ACOT11: variants seen among roughly 807,000 people sequenced by gnomAD.
The protein encoded by ACOT11 is acyl-coenzyme A thioesterase 11.
In ACOT11, 69 loss-of-function variants were observed where a neutral mutation model predicts 77.5. That is an observed-to-expected ratio of 0.89 (90% CI 0.73 to 1.09). The LOEUF is 1.09. Ranked by LOEUF, ACOT11 falls within the 50% of genes least tolerant of loss-of-function variation. The pLI is 0.00. For synonymous variants in ACOT11, 279 were observed against 313.0 expected (o/e 0.89, Z 1.15); for missense variants, 766 against 813.7 (o/e 0.94, Z 0.71).
In ACOT11 at chr1:54,630,085, G is replaced by A. The variant is rs984326731; in HGVS notation, c.1630-649G>A. ...TGGCTATTTTTTTGTATTTTTAGTA[G>A]AGACGAGGTTTCACCATGTTGACCA... is the stretch of plus-strand genomic sequence containing the variant. On this transcript the variant is annotated intron_variant, in intron 15 of 16. Transcript: ENST00000371316. Among the ~76,000 whole-genome samples the A allele has an allele frequency of 1.1e-4, 14 of 133,086 alleles. 2 individuals carry two copies. Among genetic ancestry groups the A allele is most frequent in the African/African-American group, 2.8e-4 (11 of 39,286 alleles). The allele number at this position is 133,086 out of a possible 152,430, so 87.3% of individuals were successfully genotyped here. A position where few individuals can be genotyped will look rare whatever the true frequency, so the allele number is the denominator to read the frequency against.
At chr1:54,622,900 C>T (rs1184252420) in intron 15 of ACOT11, among the ~76,000 whole-genome samples, 1 of 151,918 alleles carries the variant, frequency 6.6e-6, no homozygotes, top group Non-Finnish European at 1.5e-5. Flanking sequence ...GTTGGCCAGG[C>T]ATGATGACTC....
rs1261519176 is a variant in ACOT11 at position 54,584,520 on chromosome 1, G to A, written c.34-135G>A. 10 of 768,008 alleles carry A rather than the reference G, an allele frequency of 1.3e-5. No individual in the cohort carries two copies. Among genetic ancestry groups the A allele is most frequent in the East Asian group, 2.7e-5 (1 of 36,592 alleles). The allele number at this position is 768,008 out of a possible 1,614,324, so 47.6% of individuals were successfully genotyped here. On this transcript the variant is annotated intron_variant, in intron 1 of 15. Transcript: ENST00000343744. This position sits in a 1 kb window ranked among gnomAD's most constrained non-coding sequence, Gnocchi z 6.3. ...GGGCTGGAGGGTGGTGACCACTCTC[G>A]GGTTGGGGTCTGGTGGGAGGTGGCC...
At chr1:54,630,650 G>A (rs1644294204) in intron 15 of ACOT11, 1 of 540,176 alleles carries the variant, frequency 1.9e-6, no homozygotes, top group Non-Finnish European at 3.4e-6. Context: ...CTCTGTTCCG[G>A]GCTCTCAGCT....
chr1:54,608,093 C>G (rs1644052530), intron 15 of ACOT11, 25 bp downstream of exon 15: 2 of 1,599,514 alleles, frequency 1.3e-6, no homozygotes. Flanking sequence ...CCCAACCACG[C>G]CCCCAGCCTG....
In ACOT11 at chr1:54,566,406, G is replaced by A. The variant is rs190872850; in HGVS notation, c.33+18064G>A. Among the ~76,000 whole-genome samples, 10 of 149,678 alleles carry A rather than the reference G, an allele frequency of 6.7e-5. No homozygotes were observed. The East Asian group carries it at 9.8e-4, about 15-fold the overall frequency. On this transcript the variant is annotated intron_variant, in intron 1 of 15. Transcript: ENST00000343744. ...CGGGAGATGGAGATTGCAGTGAGCC[G>A]AGATTGTGCCACTGCACTCCAGCCT...
chr1:54,596,462 CCTA>C (rs1341894495), intron 6 of ACOT11, among the ~76,000 whole-genome samples: 2 of 152,234 alleles, frequency 1.3e-5, no homozygotes, highest in African/African-American at 4.8e-5. Flanking sequence ...CCTGGCCTCT[CCTA>C]CTAAGGATAT....
At chr1:54,565,916 A>G (rs1653716139) in intron 1 of ACOT11, among the ~76,000 whole-genome samples, 1 of 151,960 alleles carries the variant, frequency 6.6e-6, no homozygotes, top group East Asian at 1.9e-4. Context: ...TTCCCATGGT[A>G]TTACCTCTCA....
intron 16 of ACOT11, among the ~76,000 whole-genome samples, chr1:54,631,146 G>A (rs1438306508): frequency 6.6e-6 from 1 of 152,090 alleles, no homozygotes; most frequent in East Asian, 1.9e-4. Flanking sequence ...CTTTTCCGGA[G>A]GACACTGGGC....
intron 16 of ACOT11, among the ~76,000 whole-genome samples, chr1:54,632,058 A>C (rs558367111): frequency 1.7e-3 from 266 of 152,318 alleles, no homozygotes; most frequent in Non-Finnish European, 3.4e-3. Flanking sequence ...CTAAAAAAGA[A>C]TGTAGAAAAA....
chr1:54,571,827 T>C (rs1262774348), intron 1 of ACOT11, among the ~76,000 whole-genome samples: 2 of 152,052 alleles, frequency 1.3e-5, no homozygotes, highest in Non-Finnish European at 2.9e-5. Context: ...ATCTGGGGCC[T>C]TGGGGTAGTG....
At chr1:54,624,743 C>G in intron 15 of ACOT11, among the ~76,000 whole-genome samples, 1 of 152,162 alleles carries the variant, frequency 6.6e-6, no homozygotes, top group Non-Finnish European at 1.5e-5. Flanking sequence ...AGGACAGTTT[C>G]CCTGGATCAG....
At chr1:54,573,335 A>T in intron 1 of ACOT11, 1 of 686,310 alleles carries the variant, frequency 1.5e-6, no homozygotes, top group Non-Finnish European at 1.8e-6. Context: ...ATATATGTGC[A>T]AGTTACCTTT....
intron 12 of ACOT11, 90 bp from the exon 13 acceptor site, chr1:54,604,986 T>C (rs1438111826): frequency 2.8e-6 from 4 of 1,408,618 alleles, no homozygotes; most frequent in East Asian, 4.7e-5. Flanking sequence ...GCAAGTCAGC[T>C]GTAGCCCTGA....
intron 1 of ACOT11, among the ~76,000 whole-genome samples, chr1:54,561,259 G>A: frequency 8.8e-6 from 1 of 113,854 alleles, no homozygotes; most frequent in Admixed American, 9.5e-5. Flanking sequence ...GCCTTCCGCA[G>A]TGTTTGTGTC....
chr1:54,579,994 A>G (rs1654246914), intron 1 of ACOT11, among the ~76,000 whole-genome samples: 1 of 152,224 alleles, frequency 6.6e-6, no homozygotes, highest in Non-Finnish European at 1.5e-5. Flanking sequence ...TGCTAATAGT[A>G]AGCACTCAAT....
Position 54,601,302 on chromosome 1 carries a change from C to T in ACOT11, c.918C>T (p.Arg306=), listed in dbSNP as rs556706898. The T allele has an allele frequency of 6.2e-7, 1 of 1,612,988 alleles. No individual in the cohort carries two copies. Among genetic ancestry groups the T allele is most frequent in the Admixed American group, 1.7e-5 (1 of 60,000 alleles). Residue 306 remains arginine (R), a synonymous_variant, in exon 9 of 16, where the codon CGC becomes CGT. Coordinates refer to ENST00000343744, the MANE Select transcript of ACOT11 (RefSeq NM_147161.4). ...TGGGCGTGTGCGTGGAGGCCTATCG[C>T]CAGGAGGCTGAGACCCACCGGCGCC... is the stretch of plus-strand genomic sequence containing the variant. ...MEVGVCVEAY[R]QEAETHRRHI... is the part of the protein sequence containing the mutation.
At chr1:54,620,139 C>G (rs1462010367) in intron 15 of ACOT11, 2 of 935,568 alleles carry the variant, frequency 2.1e-6, no homozygotes, top group South Asian at 1.7e-5. Context: ...CGGTGAGGCT[C>G]AGACTCACTG....
chr1:54,580,657 A>T (rs532443554), intron 1 of ACOT11, among the ~76,000 whole-genome samples: 1 of 151,874 alleles, frequency 6.6e-6, no homozygotes, highest in Non-Finnish European at 1.5e-5. Context: ...TCTCTCTTCC[A>T]TGGGCATTTA....
At chr1:54,617,567 T>A (rs932409527) in intron 15 of ACOT11, among the ~76,000 whole-genome samples, 9 of 151,950 alleles carry the variant, frequency 5.9e-5, no homozygotes, top group African/African-American at 2.2e-4. Context: ...CCTGCCAGAT[T>A]TTCCAATTTC....
Sources: gnomAD v4.1 joint callset for allele counts (sites outside exome capture counted in the v4.1 genomes callset) on GRCh38, gnomAD v4.1.1 for gene constraint, Gnocchi (gnomAD v3.1) non-coding constraint, MANE v1.5 for transcripts, NCBI Gene and HGNC (gene_info 2026-07-23, HGNC 2026-07-21) for gene names.